Variants in LRP1B observed in about 807,000 individuals in gnomAD.
The protein encoded by LRP1B is low-density lipoprotein receptor-related protein 1B.
In LRP1B, 217 loss-of-function variants were observed where a neutral mutation model predicts 556.6. The ratio of observed to expected loss-of-function variants is 0.39; its 90% CI spans 0.35 to 0.44. LRP1B has a LOEUF of 0.44. Among genes scored for constraint, LRP1B ranks in the 20% least tolerant of loss-of-function variants. LRP1B has a pLI of 1.00. For synonymous variants in LRP1B, 2,047 were observed against 1,865.8 expected (o/e 1.10, Z -2.50); for missense variants, 5,053 against 5,620.8 (o/e 0.90, Z 3.23).
chr2:141,987,150 C>A (rs1194897856), intron 1 of LRP1B, among the ~76,000 whole-genome samples: 1 of 37,064 alleles, frequency 2.7e-5, no homozygotes, highest in Non-Finnish European at 5.3e-5. Flanking sequence ...AAAGATAATA[C>A]ATTTTGGTTT....
At position 141,972,688 on chromosome 2, in the gene LRP1B, C is replaced by T. The variant is rs551630001; in HGVS notation, c.82+157960G>A. ...GACGTTGGTTCTGAGCATTTTATCT[C>T]GAAGCACGATTGTTTCCTAGACCCA... On this transcript the variant is annotated intron_variant, in intron 1 of 90. Transcript: ENST00000389484. Among the ~76,000 whole-genome samples, 41 of 151,290 alleles carry T rather than the reference C, an allele frequency of 2.7e-4. 1 individual carries two copies. The highest frequency in any genetic ancestry group is 2.3e-3 in the East Asian group (12 of 5,126).
intron 2 of LRP1B, among the ~76,000 whole-genome samples, chr2:141,592,017 G>A (rs1687357896): frequency 6.6e-6 from 1 of 151,872 alleles, no homozygotes. Context: ...TAACAATTTG[G>A]TTGCAACTTT....
intron 6 of LRP1B, among the ~76,000 whole-genome samples, chr2:141,225,913 A>G (rs1164427388): frequency 1.3e-5 from 2 of 152,134 alleles, no homozygotes. Context: ...CAAGATTCGT[A>G]TAACTGTCTC....
chr2:141,475,872 G>A (rs4954909), intron 3 of LRP1B, among the ~76,000 whole-genome samples: 149,809 of 152,244 alleles, frequency 0.98, 73,747 homozygotes, highest in East Asian at 1. Context: ...AACCACCTCC[G>A]TCCAACAATA....
rs1474069111 is a variant in LRP1B at position 141,483,487 on chromosome 2, A to G, written c.206-2954T>C. Reference sequence around the variant, plus strand: ...CTTTGGGTATATAGCCAGTAATGGGATGGCTGGTTCAAATGGTATTTCTAG... The same window carrying G: ...CTTTGGGTATATAGCCAGTAATGGGGTGGCTGGTTCAAATGGTATTTCTAG... On this transcript the variant is annotated intron_variant, in intron 2 of 90. Coordinates refer to ENST00000389484, the MANE Select transcript of LRP1B (RefSeq NM_018557.3). Among the ~76,000 whole-genome samples, 591 of 121,844 alleles carry G rather than the reference A, an allele frequency of 4.9e-3. 8 individuals are homozygous for G. Among genetic ancestry groups the G allele is most frequent in the African/African-American group, 0.016 (532 of 32,834 alleles). The allele number at this position is 121,844 out of a possible 152,430, so 79.9% of individuals were successfully genotyped here.
intron 1 of LRP1B, among the ~76,000 whole-genome samples, chr2:141,983,850 C>G (rs1702111226): frequency 6.6e-6 from 1 of 152,172 alleles, no homozygotes. Context: ...CACCTGAGGT[C>G]AGGAGTTCGA....
At chr2:140,239,652 A>C in intron 87 of LRP1B, 120 bp from the exon 88 acceptor site, 2 of 534,018 alleles carry the variant, frequency 3.7e-6, no homozygotes, top group Non-Finnish European at 6.5e-6. Context: ...CTTAGCCCAA[A>C]TGTTTATATT....
At chr2:142,074,784 AT>A (rs1705441381) in intron 1 of LRP1B, among the ~76,000 whole-genome samples, 1 of 152,052 alleles carries the variant, frequency 6.6e-6, no homozygotes, top group Non-Finnish European at 1.5e-5. Context: ...CCAAAATATG[AT>A]TTGTATCTGA....
At chr2:140,268,328 C>T (rs937419667) in intron 86 of LRP1B, among the ~76,000 whole-genome samples, 2 of 151,880 alleles carry the variant, frequency 1.3e-5, no homozygotes, top group African/African-American at 4.8e-5. Context: ...ATGTAGAGTC[C>T]CTGTAGGTGA....
chr2:141,430,766 C>T (rs892174198), intron 3 of LRP1B, among the ~76,000 whole-genome samples: 4 of 152,070 alleles, frequency 2.6e-5, no homozygotes, highest in Admixed American at 1.3e-4. Flanking sequence ...GTTATACAAT[C>T]AAATGCCAAT....
chr2:141,753,587 C>T (rs1031462604), intron 2 of LRP1B, among the ~76,000 whole-genome samples: 1 of 151,952 alleles, frequency 6.6e-6, no homozygotes, highest in Admixed American at 6.6e-5. Flanking sequence ...TGGTAGCTTG[C>T]CTTTCTTTCA....
chr2:141,839,742 T>A (rs986453562), intron 1 of LRP1B, among the ~76,000 whole-genome samples: 3 of 152,136 alleles, frequency 2.0e-5, no homozygotes, highest in African/African-American at 7.2e-5. Flanking sequence ...ACTCTATAGA[T>A]ACTAAGTAAT....
intron 1 of LRP1B, among the ~76,000 whole-genome samples, chr2:141,911,438 T>G (rs765473499): frequency 1.3e-5 from 2 of 152,206 alleles, no homozygotes; most frequent in Non-Finnish European, 2.9e-5. Flanking sequence ...CCTACCTAGT[T>G]TATTTCTTCA....
chr2:141,100,429 C>T (rs1168202536), intron 7 of LRP1B, among the ~76,000 whole-genome samples: 1 of 152,162 alleles, frequency 6.6e-6, no homozygotes, highest in African/African-American at 2.4e-5. Context: ...TTATTTCCCT[C>T]AAACACCTTT....
At chr2:141,678,585 A>G (rs994461044) in intron 2 of LRP1B, among the ~76,000 whole-genome samples, 10 of 152,310 alleles carry the variant, frequency 6.6e-5, no homozygotes, top group African/African-American at 2.4e-4. Flanking sequence ...AAAGTATATC[A>G]AATTCAAGTT....
chr2:140,442,470 C>A (rs371534581), intron 66 of LRP1B, 34 bp downstream of exon 66: 1 of 1,594,896 alleles, frequency 6.3e-7, no homozygotes, highest in East Asian at 2.3e-5. Flanking sequence ...GACTCAAATA[C>A]GGAGAGATAA....
chr2:140,642,799 G>C (rs1446196440), intron 41 of LRP1B, among the ~76,000 whole-genome samples: 1 of 152,102 alleles, frequency 6.6e-6, no homozygotes, highest in Admixed American at 6.6e-5. Context: ...AGCCGAGATC[G>C]CGCCACTGCC....
Position 141,345,347 on chromosome 2 carries a change from C to A in LRP1B, c.344-90706G>T, listed in dbSNP as rs141418296. Among the ~76,000 whole-genome samples the A allele has an allele frequency of 4.3e-4, 66 of 152,210 alleles. No individual in the cohort carries two copies. The East Asian group carries it at 0.013, about 29-fold the overall frequency. On this transcript the variant is annotated intron_variant, in intron 3 of 90. Transcript: ENST00000389484. Reference sequence around the variant, plus strand: ...ATTAAGTTGTGGTAATCTGTTATAGCAGCAAAAGTAAACTAATAAGGACTT... The same window carrying A: ...ATTAAGTTGTGGTAATCTGTTATAGAAGCAAAAGTAAACTAATAAGGACTT...
At chr2:140,942,252 T>A (rs1695423152) in intron 20 of LRP1B, among the ~76,000 whole-genome samples, 2 of 152,064 alleles carry the variant, frequency 1.3e-5, no homozygotes, top group Non-Finnish European at 2.9e-5. Flanking sequence ...AGAAAAATAA[T>A]TAAAATAAAA....
Sources: gnomAD v4.1 joint callset for allele counts (sites outside exome capture counted in the v4.1 genomes callset) on GRCh38, gnomAD v4.1.1 for gene constraint, MANE v1.5 for transcripts, NCBI Gene and HGNC (gene_info 2026-07-23, HGNC 2026-07-21) for gene names.